The following EPCIP variants were observed in gnomAD, a reference collection of about 807,000 sequenced individuals.
EPCIP encodes exosomal polycystin-1-interacting protein.
At chr21:32,803,166 A>G in the EPCIP span, among the ~76,000 whole-genome samples, 1 of 152,098 alleles carries the variant, frequency 6.6e-6, no homozygotes, top group African/African-American at 2.4e-5. Flanking sequence ...CTGATCATCC[A>G]TTCTTTTCTT....
chr21:32,811,193 C>T, the EPCIP span, among the ~76,000 whole-genome samples: 2 of 151,370 alleles, frequency 1.3e-5, no homozygotes, highest in Admixed American at 1.3e-4. Flanking sequence ...TGCAGTGGCA[C>T]TATCTCGGCT....
At chr21:32,802,447 A>G in the EPCIP span, among the ~76,000 whole-genome samples, 1 of 152,224 alleles carries the variant, frequency 6.6e-6, no homozygotes, top group Non-Finnish European at 1.5e-5. Context: ...AGCAGGAGAC[A>G]TCTACTTAAA....
chr21:32,802,714 A>T, the EPCIP span, among the ~76,000 whole-genome samples: 1 of 152,164 alleles, frequency 6.6e-6, no homozygotes, highest in African/African-American at 2.4e-5. Context: ...TCTTCCTCCT[A>T]TGAGCATGAG....
the EPCIP span, chr21:32,791,366 A>G: frequency 6.6e-6 from 1 of 152,254 alleles, no homozygotes; most frequent in Admixed American, 6.5e-5. Context: ...TATAGGAGGC[A>G]TATACTTTCT....
chr21:32,811,933 C>A, the EPCIP span, among the ~76,000 whole-genome samples: 2 of 152,196 alleles, frequency 1.3e-5, no homozygotes, highest in African/African-American at 2.4e-5. Context: ...GCCCTTTCAC[C>A]TTCCACCATG....
At chr21:32,793,935 G>C in the EPCIP span, 2 of 1,614,176 alleles carry the variant, frequency 1.2e-6, no homozygotes, top group South Asian at 2.2e-5. Flanking sequence ...TACATACATG[G>C]CTGCCAGCCT....
the EPCIP span, chr21:32,797,093 T>C: frequency 1.1e-5 from 5 of 447,730 alleles, no homozygotes; most frequent in African/African-American, 1.0e-4. Flanking sequence ...GGATGGTCCC[T>C]GCCTCCTGGA....
chr21:32,795,863 C>T, the EPCIP span, among the ~76,000 whole-genome samples: 6 of 152,206 alleles, frequency 3.9e-5, no homozygotes, highest in Admixed American at 2.6e-4. Flanking sequence ...AGCTCTGCCG[C>T]GTAAACTTGA....
At chr21:32,801,945 T>C in the EPCIP span, among the ~76,000 whole-genome samples, 3 of 152,118 alleles carry the variant, frequency 2.0e-5, no homozygotes, top group African/African-American at 7.2e-5. Flanking sequence ...AGGTTCGGGT[T>C]AGGAAGGGCG....
chr21:32,807,723 A>G, the EPCIP span: 1 of 152,364 alleles, frequency 6.6e-6, no homozygotes, highest in Non-Finnish European at 1.5e-5. Context: ...TGGCCTAGAC[A>G]TGGCAGAAAA....
At chr21:32,809,312 C>CTTTCT in the EPCIP span, among the ~76,000 whole-genome samples, 1 of 132,230 alleles carries the variant, frequency 7.6e-6, no homozygotes, top group East Asian at 2.5e-4. Flanking sequence ...TTCTTTCTTT[C>CTTTCT]TTTCTTTCTT....
chr21:32,791,219 C>T, the EPCIP span: 16 of 152,306 alleles, frequency 1.1e-4, no homozygotes, highest in Admixed American at 9.1e-4. Flanking sequence ...AAACCTCAGG[C>T]TTGATTTATA....
the EPCIP span, among the ~76,000 whole-genome samples, chr21:32,799,442 CT>C: frequency 6.6e-6 from 1 of 152,172 alleles, no homozygotes; most frequent in African/African-American, 2.4e-5. Context: ...AGCAATAGCC[CT>C]GCTTACCTCT....
chr21:32,800,949 A>G, the EPCIP span, among the ~76,000 whole-genome samples: 2 of 152,200 alleles, frequency 1.3e-5, no homozygotes, highest in African/African-American at 4.8e-5. Context: ...TAGGTATATC[A>G]GAGACTTCTA....
At chr21:32,812,349 T>C in the EPCIP span, among the ~76,000 whole-genome samples, 1 of 152,196 alleles carries the variant, frequency 6.6e-6, no homozygotes, top group Non-Finnish European at 1.5e-5. Context: ...CTGCCTGTTC[T>C]TCCCACTGGG....
the EPCIP span, among the ~76,000 whole-genome samples, chr21:32,793,226 G>T: frequency 1.3e-5 from 2 of 152,188 alleles, no homozygotes; most frequent in Middle Eastern, 3.4e-3. Flanking sequence ...CAAAGTGCTG[G>T]GATTACAGGT....
the EPCIP span, among the ~76,000 whole-genome samples, chr21:32,808,312 G>A: frequency 1.3e-5 from 2 of 151,608 alleles, no homozygotes; most frequent in East Asian, 3.9e-4. Flanking sequence ...AAAAAAAAAG[G>A]CTGGCAGACC....
At chr21:32,810,173 T>C in the EPCIP span, among the ~76,000 whole-genome samples, 1 of 151,628 alleles carries the variant, frequency 6.6e-6, no homozygotes, top group Non-Finnish European at 1.5e-5. Flanking sequence ...TGTTCCTCCA[T>C]GATGTCACAT....
At chr21:32,809,288 CTTTCTTTCTTTCTTTCTTT>C in the EPCIP span, among the ~76,000 whole-genome samples, 10 of 116,656 alleles carry the variant, frequency 8.6e-5, no homozygotes, top group Admixed American at 2.8e-4. Flanking sequence ...TCCTTTCTTT[CTTTCTTTCTTTCTTTCTTT>C]CTTTCTTTCT....
Sources: allele counts gnomAD v4.1 joint callset (sites outside exome capture counted in the v4.1 genomes callset), GRCh38; gene constraint gnomAD v4.1.1; transcripts MANE v1.5; gene names NCBI Gene and HGNC (gene_info 2026-07-23, HGNC 2026-07-21).